The following SLC8A3 variants were observed in gnomAD, a reference collection of about 807,000 sequenced individuals.
The protein encoded by SLC8A3 is solute carrier family 8 member A3.
SLC8A3 carries 37 observed loss-of-function variants against 65.4 expected under a neutral mutation model. The ratio of observed to expected loss-of-function variants is 0.57; its 90% CI spans 0.44 to 0.74. The LOEUF is 0.74. SLC8A3 is among the 30% of genes least tolerant of loss of function. The pLI is 0.00. For missense variants in SLC8A3, 1,112 were observed against 1,172.1 expected (o/e 0.95, Z 0.75); for synonymous variants, 461 against 444.5 (o/e 1.04, Z -0.47).
intron 2 of SLC8A3, among the ~76,000 whole-genome samples, chr14:70,065,538 CT>C (rs1239488025): frequency 2.0e-5 from 3 of 152,296 alleles, no homozygotes; most frequent in African/African-American, 4.8e-5. Context: ...GCCTCCACCC[CT>C]CACTAGCTGG....
chr14:70,122,856 G>A (rs1894171228), intron 2 of SLC8A3, among the ~76,000 whole-genome samples: 1 of 152,082 alleles, frequency 6.6e-6, no homozygotes, highest in African/African-American at 2.4e-5. Flanking sequence ...AGGATTGCTT[G>A]AGGCCAGGAG....
chr14:70,109,453 GTA>G (rs3078221), intron 2 of SLC8A3, among the ~76,000 whole-genome samples: 107,316 of 146,482 alleles, frequency 0.73, 39,328 homozygotes, highest in East Asian at 0.93. Context: ...GTACGTGTGT[GTA>G]TATATATATA....
chr14:70,178,106 C>T (rs1038202591), intron 1 of SLC8A3, among the ~76,000 whole-genome samples: 1 of 152,174 alleles, frequency 6.6e-6, no homozygotes, highest in Admixed American at 6.5e-5. Context: ...AGGCCCCTTC[C>T]TCCACTGGCC....
At position 70,167,822 on chromosome 14, in the gene SLC8A3, G is replaced by A. The variant is rs1468241871; in HGVS notation, c.601C>T (p.Arg201Ter). ...CAAGCAGCGGTGATGAAGAAGACTC[G>A]TAGATGCTTGATCTTGCGAGTCTCT... is the stretch of plus-strand genomic sequence containing the variant. ...DGETRKIKHL[R>*]VFFITAAWSI... The change falls in exon 2 of 7, where the codon CGA becomes TGA. Residue 201 changes from arginine to a stop codon, truncating the protein, a stop_gained. Coordinates refer to ENST00000356921, the MANE Select transcript of SLC8A3 (RefSeq NM_182932.3). LOFTEE classifies it high-confidence loss of function. The A allele has an allele frequency of 5.6e-6, 9 of 1,613,956 alleles. No individual in the cohort carries two copies. The highest frequency in any genetic ancestry group is 2.2e-5 in the East Asian group (1 of 44,886).
intron 2 of SLC8A3, among the ~76,000 whole-genome samples, chr14:70,092,164 A>T (rs1053478271): frequency 2.0e-5 from 3 of 152,168 alleles, no homozygotes. Flanking sequence ...CTTGGCCTCC[A>T]ACACTACTGA....
At chr14:70,149,986 A>G (rs1024318409) in intron 2 of SLC8A3, among the ~76,000 whole-genome samples, 4 of 152,120 alleles carry the variant, frequency 2.6e-5, no homozygotes, top group African/African-American at 4.8e-5. Flanking sequence ...CTTCCTCCAG[A>G]CAGTACTCTG....
intron 2 of SLC8A3, among the ~76,000 whole-genome samples, chr14:70,108,628 G>A (rs1893049866): frequency 6.6e-6 from 1 of 152,172 alleles, no homozygotes; most frequent in Non-Finnish European, 1.5e-5. Flanking sequence ...CAGGAGGACT[G>A]CTCTGAATTA....
At chr14:70,067,812 T>C (rs145636966) in intron 2 of SLC8A3, among the ~76,000 whole-genome samples, 1 of 152,294 alleles carries the variant, frequency 6.6e-6, no homozygotes, top group African/African-American at 2.4e-5. Flanking sequence ...ACTTACTGGT[T>C]CAAGTGAGGG....
chr14:70,135,099 C>T (rs1053021793), intron 2 of SLC8A3, among the ~76,000 whole-genome samples: 13 of 152,092 alleles, frequency 8.5e-5, no homozygotes, highest in African/African-American at 3.1e-4. Flanking sequence ...AGACATTTCT[C>T]AAAAGAAGAC....
chr14:70,161,134 T>TAA (rs1224164957), intron 2 of SLC8A3, among the ~76,000 whole-genome samples: 1 of 145,106 alleles, frequency 6.9e-6, no homozygotes, highest in African/African-American at 2.5e-5. Flanking sequence ...TATATATATA[T>TAA]AAATATAAAT....
In SLC8A3 at chr14:70,097,687, GT is replaced by G. The variant is rs971494423; in HGVS notation, c.1785-36749del. Among the ~76,000 whole-genome samples, 6 of 151,714 alleles carry G rather than the reference GT, an allele frequency of 4.0e-5. No individual in the cohort carries two copies. In the East Asian group the frequency reaches 5.8e-4, roughly 15 times the overall value. On this transcript the variant is annotated intron_variant, in intron 2 of 6. Coordinates refer to ENST00000356921, the MANE Select transcript of SLC8A3 (RefSeq NM_182932.3). ...ACATTAGCTGTGACAGCTGCATGTG[GT>G]TTTTTTTTAATCTCTTTGTCTTGTA...
At chr14:70,152,382 G>A (rs998734820) in intron 2 of SLC8A3, among the ~76,000 whole-genome samples, 221 of 152,270 alleles carry the variant, frequency 1.5e-3, no homozygotes, top group Non-Finnish European at 1.9e-4. Flanking sequence ...ACAGAGAAAT[G>A]TGAACATCTT....
At chr14:70,055,748 G>A in intron 3 of SLC8A3, 10 of 1,553,738 alleles carry the variant, frequency 6.4e-6, no homozygotes, top group Non-Finnish European at 8.7e-6. Flanking sequence ...CCAAATAATG[G>A]CACTGGCAAG....
Position 70,046,517 on chromosome 14 carries a change from T to C in SLC8A3, c.2390-194A>G. The C allele has an allele frequency of 2.0e-5, 11 of 561,672 alleles. No individual in the cohort carries two copies. In the South Asian group the frequency reaches 3.1e-4, roughly 16 times the overall value. 34.8% of individuals were successfully genotyped at this position (561,672 alleles called of 1,614,324 possible). On this transcript the variant is annotated intron_variant, in intron 6 of 6. Transcript: ENST00000356921. This position sits in a 1 kb window ranked among gnomAD's most constrained non-coding sequence, Gnocchi z 4.2. ...GGCCCTGGGTAGGTCACATCCCTAG[T>C]CTGGGCTTCCCATTCCTCATCTGCA...
At position 70,182,344 on chromosome 14, in the gene SLC8A3, A is replaced by G. The variant is rs58520392; in HGVS notation, c.-63+6035T>C. On this transcript the variant is annotated intron_variant, in intron 1 of 6. Coordinates refer to ENST00000356921, the MANE Select transcript of SLC8A3 (RefSeq NM_182932.3). Reference sequence around the variant, plus strand: ...AGAGCTAGAGTCACAGACTCTGGGAACTATCCACACTGCAGTAACAGCACA... The same window carrying G: ...AGAGCTAGAGTCACAGACTCTGGGAGCTATCCACACTGCAGTAACAGCACA... Among the ~76,000 whole-genome samples the G allele has an allele frequency of 8.5e-3, 1,296 of 152,256 alleles. 15 individuals are homozygous for G. Among genetic ancestry groups the G allele is most frequent in the African/African-American group, 0.029 (1,219 of 41,540 alleles).
chr14:70,185,754 A>T (rs1293934615), intron 1 of SLC8A3, among the ~76,000 whole-genome samples: 1 of 152,220 alleles, frequency 6.6e-6, no homozygotes, highest in Non-Finnish European at 1.5e-5. Context: ...GGAGTCTGTT[A>T]TCTAGAGGTG....
rs1457835467 is a variant in SLC8A3, at chr14:70,057,282, A to T, written c.1888+3554T>A. On this transcript the variant is annotated intron_variant, in intron 3 of 6. Coordinates refer to ENST00000356921, the MANE Select transcript of SLC8A3 (RefSeq NM_182932.3). ...ACTACATTGAGATAGATAGATATAG[A>T]TAGGCAGATAGGTAGATAGATAGAT... 2.0e-5 allele frequency among the ~76,000 whole-genome samples: 3 copies of T among 146,962 alleles called. No homozygotes were observed. The Admixed American group carries it at 2.1e-4, about 10-fold the overall frequency.
At chr14:70,186,741 C>G (rs1469399029) in intron 1 of SLC8A3, among the ~76,000 whole-genome samples, 1 of 152,140 alleles carries the variant, frequency 6.6e-6, no homozygotes, top group Admixed American at 6.5e-5. Context: ...TAAGCTTTGA[C>G]CATCAGCCAT....
At chr14:70,112,149 G>A (rs1321979358) in intron 2 of SLC8A3, among the ~76,000 whole-genome samples, 1 of 152,228 alleles carries the variant, frequency 6.6e-6, no homozygotes, top group Non-Finnish European at 1.5e-5. Context: ...GAGAGGGAGA[G>A]ACTGAGTCTC....
Sources: gnomAD v4.1 joint callset for allele counts (sites outside exome capture counted in the v4.1 genomes callset) on GRCh38, gnomAD v4.1.1 for gene constraint, Gnocchi (gnomAD v3.1) non-coding constraint, MANE v1.5 for transcripts, NCBI Gene and HGNC (gene_info 2026-07-23, HGNC 2026-07-21) for gene names.